NAALADL2: variants seen among roughly 807,000 people sequenced by gnomAD.
NAALADL2 encodes the protein inactive N-acetylated-alpha-linked acidic dipeptidase-like protein 2.
A neutral mutation model predicts 87.2 loss-of-function variants in NAALADL2; 76 were observed. The ratio of observed to expected loss-of-function variants is 0.87; its 90% confidence interval spans 0.72 to 1.05. NAALADL2 has a LOEUF of 1.05. Ranked by LOEUF, NAALADL2 falls within the 50% of genes least tolerant of loss-of-function variation. NAALADL2 has a pLI of 0.00. For missense variants in NAALADL2, 1,089 were observed against 945.8 expected (o/e 1.15, Z -1.99); for synonymous variants, 354 against 331.0 (o/e 1.07, Z -0.75).
At chr3:175,295,449 A>C (rs1756195346) in intron 4 of NAALADL2, among the ~76,000 whole-genome samples, 1 of 151,988 alleles carries the variant, frequency 6.6e-6, no homozygotes, top group Non-Finnish European at 1.5e-5. Context: ...CTCCTTACAC[A>C]AGTTATAAAT....
intron 1 of NAALADL2, among the ~76,000 whole-genome samples, chr3:174,926,327 C>T (rs1457886417): frequency 6.6e-6 from 1 of 152,056 alleles, no homozygotes; most frequent in African/African-American, 2.4e-5. Context: ...CAAGGCAGGC[C>T]AACATTCAGA....
intron 11 of NAALADL2, among the ~76,000 whole-genome samples, chr3:175,690,513 CT>C (rs763320551): frequency 6.6e-6 from 1 of 151,992 alleles, no homozygotes; most frequent in East Asian, 1.9e-4. Context: ...ATTCAGATTA[CT>C]TTGTTTCCTG....
rs540513349 is a variant in NAALADL2, at chr3:174,512,211, T to C, written c.-183-38358T>C. On this transcript the variant is annotated intron_variant, in intron 1 of 3. Coordinates refer to the NAALADL2 transcript ENST00000434257. ...ACGTATTTAATTATTAAAAGATATT[T>C]TTATTGGGCTTAGATTGGTAAATTG... Among the ~76,000 whole-genome samples, 5 of 152,316 alleles carry C rather than the reference T, an allele frequency of 3.3e-5. No individual in the cohort carries two copies. In the East Asian group the frequency reaches 7.7e-4, roughly 24 times the overall value.
chr3:175,232,121 AAGG>A (rs1745028087), intron 2 of NAALADL2, among the ~76,000 whole-genome samples: 1 of 151,918 alleles, frequency 6.6e-6, no homozygotes, highest in African/African-American at 2.4e-5. Flanking sequence ...AAGGAGAAAG[AAGG>A]AGAAGGGGAA....
At chr3:175,343,316 G>GA (rs938313569) in intron 5 of NAALADL2, among the ~76,000 whole-genome samples, 6 of 151,762 alleles carry the variant, frequency 4.0e-5, no homozygotes, top group Non-Finnish European at 7.4e-5. Context: ...TTGCACACAT[G>GA]AAAAAAAATG....
chr3:174,703,457 A>G (rs62287767), intron 2 of NAALADL2, among the ~76,000 whole-genome samples: 39,578 of 151,920 alleles, frequency 0.26, 5,788 homozygotes, highest in East Asian at 0.43. Context: ...CGCCATTTGG[A>G]CTGACTAGTT....
chr3:174,905,224 A>G (rs1160487262), intron 1 of NAALADL2, among the ~76,000 whole-genome samples: 1 of 151,930 alleles, frequency 6.6e-6, no homozygotes, highest in Non-Finnish European at 1.5e-5. Context: ...ATCGAAACCT[A>G]TTCAATGATT....
intron 3 of NAALADL2, among the ~76,000 whole-genome samples, chr3:174,757,928 T>A (rs1454964409): frequency 6.6e-6 from 1 of 152,238 alleles, no homozygotes; most frequent in Non-Finnish European, 1.5e-5. Flanking sequence ...GATGGCTTCT[T>A]AGAAAAGTAC....
intron 3 of NAALADL2, among the ~76,000 whole-genome samples, chr3:175,253,771 C>A (rs1399309811): frequency 6.6e-6 from 1 of 152,044 alleles, no homozygotes; most frequent in East Asian, 1.9e-4. Context: ...GGTTTCAACC[C>A]TTATAGACGA....
intron 3 of NAALADL2, among the ~76,000 whole-genome samples, chr3:175,249,240 T>C (rs1055407567): frequency 6.6e-6 from 1 of 152,142 alleles, no homozygotes; most frequent in Non-Finnish European, 1.5e-5. Context: ...CCAAATTTTA[T>C]TTATTACCTG....
intron 1 of NAALADL2, chr3:174,459,827 G>A (rs374844390): frequency 1.2e-4 from 19 of 152,132 alleles, no homozygotes; most frequent in African/African-American, 4.6e-4. Context: ...TATTGTATGT[G>A]CTGTATAATT....
chr3:175,337,816 C>G (rs1433134825), intron 5 of NAALADL2, among the ~76,000 whole-genome samples: 3 of 152,094 alleles, frequency 2.0e-5, no homozygotes, highest in Admixed American at 6.6e-5. Context: ...AGAAGAAAAA[C>G]AAAGAAATGC....
At chr3:175,504,422 T>C (rs1348560247) in intron 9 of NAALADL2, among the ~76,000 whole-genome samples, 1 of 152,152 alleles carries the variant, frequency 6.6e-6, no homozygotes, top group Non-Finnish European at 1.5e-5. Flanking sequence ...CTCTAGCCCC[T>C]AATGTGACTC....
intron 1 of NAALADL2, among the ~76,000 whole-genome samples, chr3:174,900,745 A>C (rs1006958573): frequency 1.3e-5 from 2 of 152,106 alleles, no homozygotes; most frequent in African/African-American, 4.8e-5. Flanking sequence ...CTGTGATAGA[A>C]TAACTGGCTA....
intron 2 of NAALADL2, among the ~76,000 whole-genome samples, chr3:175,112,074 G>A (rs996637404): frequency 2.0e-5 from 3 of 151,466 alleles, no homozygotes; most frequent in Non-Finnish European, 4.4e-5. Flanking sequence ...ATAAGGTTTA[G>A]ATGAGAACCT....
At chr3:175,340,863 G>A (rs1762497572) in intron 5 of NAALADL2, among the ~76,000 whole-genome samples, 4 of 152,132 alleles carry the variant, frequency 2.6e-5, no homozygotes, top group Admixed American at 2.6e-4. Flanking sequence ...CAAAGATCCA[G>A]AAGGACAGAG....
intron 9 of NAALADL2, among the ~76,000 whole-genome samples, chr3:175,492,661 A>T (rs1479328277): frequency 6.6e-6 from 1 of 152,156 alleles, no homozygotes; most frequent in African/African-American, 2.4e-5. Context: ...ATTCACATAC[A>T]AGTGAATTAC....
intron 1 of NAALADL2, among the ~76,000 whole-genome samples, chr3:175,010,691 T>A (rs945326502): frequency 2.6e-5 from 4 of 152,192 alleles, no homozygotes; most frequent in Non-Finnish European, 5.9e-5. Context: ...GAGATCTTCT[T>A]GCCTATGTCT....
intron 11 of NAALADL2, among the ~76,000 whole-genome samples, chr3:175,728,138 T>A (rs1323375188): frequency 6.6e-6 from 1 of 152,088 alleles, no homozygotes; most frequent in African/African-American, 2.4e-5. Flanking sequence ...TTGCTATAGG[T>A]CAAGGGGAGC....
Sources: gnomAD v4.1 joint callset for allele counts (sites outside exome capture counted in the v4.1 genomes callset) on GRCh38, gnomAD v4.1.1 for gene constraint, MANE v1.5 for transcripts, NCBI Gene and HGNC (gene_info 2026-07-23, HGNC 2026-07-21) for gene names.